The following SPG11 variants were observed in gnomAD, a reference collection of about 807,000 sequenced individuals.
SPG11 encodes spatacsin.
In SPG11, 222 loss-of-function variants were observed where a neutral mutation model predicts 274.0. That is an observed-to-expected ratio of 0.81 (90% CI 0.73 to 0.91). The LOEUF (loss-of-function observed/expected upper bound fraction) is 0.91. SPG11 is among the 40% of genes least tolerant of loss of function. The pLI is 0.00. For missense variants in SPG11, 3,114 were observed against 2,872.7 expected (o/e 1.08, Z -1.92); for synonymous variants, 1,144 against 1,039.7 (o/e 1.10, Z -1.93).
In SPG11 at chr15:44,633,571, T is replaced by G. The variant is rs774359304; in HGVS notation, c.1669A>C (p.Asn557His). 1 of 1,612,758 alleles carries G rather than the reference T, an allele frequency of 6.2e-7. No homozygotes were observed. The highest frequency in any genetic ancestry group is 8.5e-7 in the Non-Finnish European group (1 of 1,179,046). The stretch of plus-strand genomic sequence containing the variant: ...GATACAGAAGATTTTGAGGATGGAT[T>G]AAAAAGATTTTCCTTGCTCTTCAAA... ...FFLKSKENLF[N>H]PSSKSSVSDQ... The change falls in exon 8 of 40, where the codon AAT (asparagine) becomes CAT (histidine). Residue 557 changes from asparagine (N) to histidine (H), a missense_variant. Physicochemically the swap from Asn to His is moderately conservative, Grantham distance 68. Transcript: ENST00000261866.
chr15:44,650,633 A>T (rs551103096), intron 6 of SPG11, among the ~76,000 whole-genome samples: 99 of 152,106 alleles, frequency 6.5e-4, no homozygotes, highest in African/African-American at 2.3e-3. Context: ...CTAAAAAAAA[A>T]AAAAAGTAAA....
At position 44,625,449 on chromosome 15, in the gene SPG11, AG is replaced by A; in HGVS notation, c.2244+881del. On this transcript the variant is annotated intron_variant, in intron 11 of 39. Transcript: ENST00000261866. ...CCCCCTTGCTGTTTTTGTGATAGGA[AG>A]TAAGTTCTCACGATATCTGGTTGTT... is the stretch of plus-strand genomic sequence containing the variant. Among the ~76,000 whole-genome samples the A allele has an allele frequency of 2.0e-5, 3 of 152,206 alleles. 1 individual carries two copies. The highest frequency in any genetic ancestry group is 2.0e-4 in the Admixed American group (3 of 15,280).
chr15:44,563,696 C>G (rs886658162), intron 39 of SPG11, among the ~76,000 whole-genome samples: 1 of 151,814 alleles, frequency 6.6e-6, no homozygotes, highest in East Asian at 2.0e-4. Context: ...GGCTGGAGTA[C>G]AGTGGTTTTT....
At chr15:44,614,854 G>A (rs537647282) in intron 16 of SPG11, among the ~76,000 whole-genome samples, 1 of 152,234 alleles carries the variant, frequency 6.6e-6, no homozygotes, top group South Asian at 2.1e-4. Context: ...AATTAACACT[G>A]GCCACAGATA....
At chr15:44,594,265 A>G (rs1855561303) in intron 26 of SPG11, among the ~76,000 whole-genome samples, 1 of 151,624 alleles carries the variant, frequency 6.6e-6, no homozygotes, top group Non-Finnish European at 1.5e-5. Flanking sequence ...TCTCTACTAA[A>G]AATACAAAAA....
intron 24 of SPG11, 152 bp from the exon 25 acceptor site, chr15:44,596,507 C>A: frequency 6.1e-6 from 6 of 991,202 alleles, no homozygotes; most frequent in South Asian, 1.4e-5. Context: ...CTGTATGGTG[C>A]CTTTTAATGA....
chr15:44,566,387 G>C (rs943971298), intron 36 of SPG11, 82 bp from the exon 37 acceptor site: 24 of 1,372,212 alleles, frequency 1.7e-5, no homozygotes, highest in Non-Finnish European at 2.3e-5. Flanking sequence ...ATCGTGGCTA[G>C]AATAGAAACA....
At chr15:44,612,381 T>C (rs2083483794) in intron 17 of SPG11, among the ~76,000 whole-genome samples, 1 of 152,200 alleles carries the variant, frequency 6.6e-6, no homozygotes, top group South Asian at 2.1e-4. Context: ...GTACCTAGGC[T>C]ATCTACCTAT....
rs2083100702 is a variant in SPG11, at chr15:44,598,486, G to T, written c.3893-113C>A. On this transcript the variant is annotated intron_variant, in intron 22 of 39. Coordinates refer to ENST00000261866, the MANE Select transcript of SPG11 (RefSeq NM_025137.4). ...TTCAGAACCCAATTAAAGTGCCCAA[G>T]AAAGTGAGACAAAGAACACACACTC... 8 of 1,261,040 alleles carry T rather than the reference G, an allele frequency of 6.3e-6. No homozygotes were observed. The South Asian group carries it at 8.6e-5, about 13-fold the overall frequency. The allele number at this position is 1,261,040 out of a possible 1,614,324, so 78.1% of individuals were successfully genotyped here.
chr15:44,565,795 G>A (rs2082295151), intron 38 of SPG11, 59 bp downstream of exon 38: 1 of 1,604,876 alleles, frequency 6.2e-7, no homozygotes, highest in East Asian at 2.2e-5. Context: ...GGTTCCATGA[G>A]TGGGACAGAA....
In SPG11 at chr15:44,636,941, AAAAAAAAAAAAAAAAAC is replaced by A. The variant is rs1364096686; in HGVS notation, c.1603-3321_1603-3305del. 3.6e-3 allele frequency among the ~76,000 whole-genome samples: 429 copies of A among 117,866 alleles called. 8 individuals carry two copies. The highest frequency in any genetic ancestry group is 0.013 in the African/African-American group (394 of 31,318). The allele number at this position is 117,866 out of a possible 152,430, so 77.3% of individuals were successfully genotyped here. A position where few individuals can be genotyped will look rare whatever the true frequency, so the allele number is the denominator to read the frequency against. On this transcript the variant is annotated intron_variant, in intron 7 of 39. Transcript: ENST00000261866. ...ACTCCATCTCAAAAAAAAAAAAAAA[AAAAAAAAAAAAAAAAAC>A]AAAAAAAAAACACAAATGTGGTAAA...
At chr15:44,613,829 T>C (rs536868300) in intron 16 of SPG11, among the ~76,000 whole-genome samples, 19 of 152,354 alleles carry the variant, frequency 1.2e-4, no homozygotes, top group Middle Eastern at 3.4e-3. Context: ...TCATATTTTA[T>C]TGGTTTTTAC....
At chr15:44,626,779 G>C (rs2083912438) in intron 10 of SPG11, among the ~76,000 whole-genome samples, 1 of 152,060 alleles carries the variant, frequency 6.6e-6, no homozygotes, top group Non-Finnish European at 1.5e-5. Context: ...GTCTAGAAGA[G>C]AAACACCTAA....
At chr15:44,592,840 A>G (rs2082937608) in intron 26 of SPG11, among the ~76,000 whole-genome samples, 1 of 151,908 alleles carries the variant, frequency 6.6e-6, no homozygotes, top group African/African-American at 2.4e-5. Context: ...TAAATAAATA[A>G]CATTAGCCAA....
chr15:44,635,736 G>A (rs2084226744), intron 7 of SPG11, among the ~76,000 whole-genome samples: 1 of 149,994 alleles, frequency 6.7e-6, no homozygotes, highest in African/African-American at 2.5e-5. Flanking sequence ...GACCAATATA[G>A]TAAAACCCTG....
Position 44,615,428 on chromosome 15 carries a change from T to C in SPG11, c.2973A>G (p.Gln991=), listed in dbSNP as rs372308185. The C allele has an allele frequency of 1.2e-6, 2 of 1,614,046 alleles. No homozygotes were observed. Among genetic ancestry groups the C allele is most frequent in the East Asian group, 2.2e-5 (1 of 44,856 alleles). ...TGTGCTCCAAACAATAGAGAATGAA[T>C]TGAGAATGGAAATCCCAACCTTCTT... ...KTKEGWDFHS[Q]FILYCLEHSL... is the part of the protein sequence containing the mutation. The change falls in exon 16 of 40, where the codon CAA becomes CAG. Residue 991 remains glutamine (Q), a synonymous_variant. Coordinates refer to ENST00000261866, the MANE Select transcript of SPG11 (RefSeq NM_025137.4).
chr15:44,599,093 C>T (rs556725154), intron 21 of SPG11, among the ~76,000 whole-genome samples: 6 of 152,234 alleles, frequency 3.9e-5, no homozygotes, highest in African/African-American at 1.2e-4. Context: ...ATTCTTGCTT[C>T]CAACTTCATC....
At chr15:44,654,631 T>G (rs1293154522) in intron 4 of SPG11, among the ~76,000 whole-genome samples, 1 of 152,032 alleles carries the variant, frequency 6.6e-6, no homozygotes, top group Non-Finnish European at 1.5e-5. Context: ...TCTGAGGTCA[T>G]AAGTTCAAAA....
At chr15:44,639,793 GA>G (rs2034071076) in intron 7 of SPG11, among the ~76,000 whole-genome samples, 1 of 151,968 alleles carries the variant, frequency 6.6e-6, no homozygotes, top group Non-Finnish European at 1.5e-5. Flanking sequence ...TAACTATATA[GA>G]AAACTCAATA....
Sources: gnomAD v4.1 joint callset for allele counts (sites outside exome capture counted in the v4.1 genomes callset) on GRCh38, gnomAD v4.1.1 for gene constraint, MANE v1.5 for transcripts, NCBI Gene and HGNC (gene_info 2026-07-23, HGNC 2026-07-21) for gene names.